Variants in PNPLA1 observed in about 807,000 individuals in gnomAD.
PNPLA1 encodes omega-hydroxyceramide transacylase.
In PNPLA1, 36 loss-of-function variants were observed where a neutral mutation model predicts 51.7. The observed-to-expected ratio is 0.70, with a 90% CI of 0.53 to 0.92. The LOEUF is 0.92. PNPLA1 is among the 40% of genes least tolerant of loss of function. The pLI is 0.00. For synonymous variants in PNPLA1, 293 were observed against 280.1 expected, an observed-to-expected ratio of 1.05 and a Z score of -0.46; for missense variants, 658 against 682.5, an observed-to-expected ratio of 0.96 and a Z score of 0.40.
intron 1 of PNPLA1, among the ~76,000 whole-genome samples, chr6:36,282,044 G>GGAAGGAAAGAAAGAAAGAAAGAAA (rs1770302037): frequency 8.7e-5 from 3 of 34,540 alleles, no homozygotes; most frequent in African/African-American, 4.9e-4. Flanking sequence ...AAAGAAAGAA[G>GGAAGGAAAGAAAGAAAGAAAGAAA]GAAAGAAAGA....
At chr6:36,255,647 A>G (rs2127314703) in intron 1 of PNPLA1, among the ~76,000 whole-genome samples, 1 of 152,176 alleles carries the variant, frequency 6.6e-6, no homozygotes, top group South Asian at 2.1e-4. Flanking sequence ...AGATTGTGCC[A>G]CTGCACTCCA....
chr6:36,295,384 C>A lies in PNPLA1; in HGVS notation c.735C>A (p.Tyr245Ter), dbSNP rs771795722. 1 of 1,614,194 alleles carries A rather than the reference C, an allele frequency of 6.2e-7. No individual in the cohort carries two copies. Among genetic ancestry groups the A allele is most frequent in the Non-Finnish European group, 8.5e-7 (1 of 1,180,038 alleles). The change falls in exon 5 of 9, where the codon TAC becomes TAA. Residue 245 changes from tyrosine (Y) to a stop codon, truncating the protein, a stop_gained. Transcript: ENST00000636260. LOFTEE classifies it high-confidence loss of function. ...CACAGATCCTGCACGATTACTACTA[C>A]CGAGGGTACGAGGATGCAGTTTTGT... ...PDLVILHDYY[Y>*]RGYEDAVLYL...
intron 1 of PNPLA1, among the ~76,000 whole-genome samples, chr6:36,272,053 G>A (rs1448054921): frequency 1.3e-5 from 2 of 152,186 alleles, no homozygotes; most frequent in East Asian, 1.9e-4. Flanking sequence ...CACACACCAG[G>A]GTTGGTGGGG....
chr6:36,296,368 G>C (rs1308310815), intron 5 of PNPLA1, among the ~76,000 whole-genome samples: 1 of 152,194 alleles, frequency 6.6e-6, no homozygotes, highest in African/African-American at 2.4e-5. Context: ...TTTACCTAAT[G>C]TTACATCAGA....
At chr6:36,306,219 T>G in intron 6 of PNPLA1, 73 bp from the exon 7 acceptor site, 1 of 1,082,858 alleles carries the variant, frequency 9.2e-7, no homozygotes, top group Non-Finnish European at 1.4e-6. Context: ...ATTTACTGAC[T>G]ATTGCTATTT....
At chr6:36,309,783 A>G (rs1771346638) in intron 8 of PNPLA1, among the ~76,000 whole-genome samples, 1 of 152,196 alleles carries the variant, frequency 6.6e-6, no homozygotes, top group South Asian at 2.1e-4. Flanking sequence ...CGATGGTCTT[A>G]AGCAATTCCA....
At chr6:36,302,559 T>C (rs530497057) in intron 6 of PNPLA1, 90 bp downstream of exon 6, 772 of 1,478,112 alleles carry the variant, frequency 5.2e-4, no homozygotes, top group Non-Finnish European at 6.7e-4. Flanking sequence ...ACCGCTTCTT[T>C]AGGGGTGCGT....
intron 5 of PNPLA1, among the ~76,000 whole-genome samples, chr6:36,299,335 G>GT (rs767505825): frequency 0.3 from 17,694 of 58,564 alleles, 1,847 homozygotes; most frequent in Middle Eastern, 0.39. Context: ...TTTTTTGTCT[G>GT]TTTTTTTTTT....
intron 6 of PNPLA1, among the ~76,000 whole-genome samples, chr6:36,303,526 A>G (rs1219554111): frequency 2.0e-5 from 3 of 152,238 alleles, no homozygotes; most frequent in Admixed American, 6.5e-5. Flanking sequence ...TAACAGGGAT[A>G]CTAACCTCAA....
At chr6:36,290,690 G>A (rs962992174) in intron 1 of PNPLA1, among the ~76,000 whole-genome samples, 1 of 152,164 alleles carries the variant, frequency 6.6e-6, no homozygotes, top group East Asian at 1.9e-4. Context: ...AATGGCACAG[G>A]CGAGCCTTAC....
intron 5 of PNPLA1, among the ~76,000 whole-genome samples, chr6:36,300,340 G>A (rs1016745624): frequency 1.2e-4 from 18 of 152,156 alleles, no homozygotes; most frequent in African/African-American, 4.1e-4. Flanking sequence ...GGCTACAGGT[G>A]CATGCCACTA....
chr6:36,305,182 A>AT (rs928332896), intron 6 of PNPLA1, among the ~76,000 whole-genome samples: 6 of 151,998 alleles, frequency 3.9e-5, no homozygotes, highest in East Asian at 1.9e-4. Context: ...ACATTGTGAG[A>AT]TTTTTTTTGG....
At chr6:36,302,596 ATCT>A in intron 6 of PNPLA1, 127 bp downstream of exon 6, 1 of 1,272,358 alleles carries the variant, frequency 7.9e-7, no homozygotes, top group Non-Finnish European at 1.1e-6. Flanking sequence ...GAGCTTTAGC[ATCT>A]CTGTCCATTA....
intron 1 of PNPLA1, among the ~76,000 whole-genome samples, chr6:36,273,932 G>A (rs145762981): frequency 1.1e-4 from 16 of 152,130 alleles, no homozygotes; most frequent in African/African-American, 3.1e-4. Context: ...TGGGCTGCTC[G>A]TAATTATCGC....
rs376611583 is a variant in PNPLA1 at position 36,302,033 on chromosome 6, C to T, written c.948C>T (p.Pro316=). Residue 316 remains proline, a synonymous_variant, in exon 6 of 9, where the codon CCC becomes CCT. Transcript: ENST00000636260. ...CACAACCTCACAAGGAGTGGGTTCC[C>T]AAAGGGGATGGAAGGGGCAGCCATG... ...GATQPHKEWV[P]KGDGRGSHGP... is the part of the protein sequence containing the mutation. The T allele has an allele frequency of 8.1e-6, 13 of 1,614,050 alleles. No individual in the cohort carries two copies. The highest frequency in any genetic ancestry group is 1.0e-5 in the Non-Finnish European group (12 of 1,180,038).
Position 36,294,386 on chromosome 6 carries a change from C to T in PNPLA1, c.701C>T (p.Pro234Leu). The T allele has an allele frequency of 1.9e-6, 3 of 1,614,066 alleles. No homozygotes were observed. The highest frequency in any genetic ancestry group is 2.5e-6 in the Non-Finnish European group (3 of 1,179,996). ...NIARMTHALF[P>L]PDLVILHDYY... is the part of the protein sequence containing the mutation. ...GCCAGGATGACCCACGCATTGTTCC[C>T]CCCGGACCTGGTGGTGAGAGGCAGG... is the stretch of plus-strand genomic sequence containing the variant. Residue 234 changes from proline (P) to leucine (L), a missense_variant, in exon 4 of 9, where the codon CCC (proline) becomes CTC (leucine). Physicochemically the swap from Pro to Leu is moderately conservative, Grantham distance 98. Transcript: ENST00000636260. The surrounding 1 kb of genome is among the most constrained non-coding windows in gnomAD (Gnocchi z 4.2).
chr6:36,304,558 C>T (rs997943251), intron 6 of PNPLA1, among the ~76,000 whole-genome samples: 11 of 137,778 alleles, frequency 8.0e-5, no homozygotes, highest in Admixed American at 1.6e-4. Context: ...ACCTGGGAGG[C>T]GGAGGTTGCA....
At chr6:36,309,405 G>C (rs1053938438) in intron 8 of PNPLA1, among the ~76,000 whole-genome samples, 1 of 152,090 alleles carries the variant, frequency 6.6e-6, no homozygotes, top group Non-Finnish European at 1.5e-5. Flanking sequence ...GGAGCTCATG[G>C]TCACGTTCGG....
rs543287900 is a variant in PNPLA1 at position 36,313,725 on chromosome 6, C to G, written c.*1839C>G. Reference sequence around the variant, plus strand: ...TAGAGAGGCCCGCCCGGCCGCAGGCCTTTCTTCCAGGAGTGGCCTCCATGT... The same window carrying G: ...TAGAGAGGCCCGCCCGGCCGCAGGCGTTTCTTCCAGGAGTGGCCTCCATGT... On this transcript the variant is annotated 3_prime_UTR_variant, in exon 9 of 9. Coordinates refer to ENST00000636260, the MANE Select transcript of PNPLA1 (RefSeq NM_001374623.1). Among the ~76,000 whole-genome samples the G allele has an allele frequency of 6.6e-6, 1 of 152,360 alleles. No individual in the cohort carries two copies. The highest frequency in any genetic ancestry group is 6.5e-5 in the Admixed American group (1 of 15,306).
Sources: allele counts gnomAD v4.1 joint callset (sites outside exome capture counted in the v4.1 genomes callset), GRCh38; gene constraint gnomAD v4.1.1; non-coding constraint Gnocchi (gnomAD v3.1); transcripts MANE v1.5; gene names NCBI Gene and HGNC (gene_info 2026-07-23, HGNC 2026-07-21).